IFTAP: variants seen among roughly 807,000 people sequenced by gnomAD.
IFTAP encodes the protein intraflagellar transport associated protein, also known as intraflagellar transport-associated protein.
Under a neutral mutation model 19.4 loss-of-function variants are expected in IFTAP, and 19 were observed. The observed-to-expected ratio is 0.98, with a 90% CI of 0.68 to 1.44. The LOEUF (loss-of-function observed/expected upper bound fraction) is 1.44, where lower values mean the gene tolerates loss of function less well. Ranked by LOEUF, IFTAP falls within the 40% of genes most tolerant of loss-of-function variation. The pLI is 0.00. For missense variants in IFTAP, 240 were observed against 253.6 expected, an observed-to-expected ratio of 0.95 and a Z score of 0.36; for synonymous variants, 85 against 83.5, an observed-to-expected ratio of 1.02 and a Z score of -0.10.
At chr11:36,601,446 A>G (rs1851505506) in intron 1 of IFTAP, among the ~76,000 whole-genome samples, 7 of 152,216 alleles carry the variant, frequency 4.6e-5, no homozygotes, top group Admixed American at 4.6e-4. Context: ...AGATATGGCC[A>G]CCTGACCAGA....
chr11:36,632,960 C>A (rs1852784671), intron 2 of IFTAP, among the ~76,000 whole-genome samples: 1 of 150,962 alleles, frequency 6.6e-6, no homozygotes, highest in African/African-American at 2.5e-5. Flanking sequence ...AAAAATCCCT[C>A]AAATTTAGAA....
At chr11:36,643,361 A>G (rs907237517) in intron 4 of IFTAP, among the ~76,000 whole-genome samples, 1 of 152,228 alleles carries the variant, frequency 6.6e-6, no homozygotes, top group African/African-American at 2.4e-5. Flanking sequence ...ATACAAACAA[A>G]TGGACGAACA....
rs144340428 is a variant in IFTAP at position 36,650,613 on chromosome 11, G to A, written c.498+2458G>A. Among the ~76,000 whole-genome samples the A allele has an allele frequency of 2.0e-3, 301 of 149,186 alleles. 1 individual carries two copies. The highest frequency in any genetic ancestry group is 6.8e-3 in the African/African-American group (275 of 40,400). ...AAGTTCTAGGGTACATGTGCACAAC[G>A]TGCAGGTTTGTTACATATGTATACA... On this transcript the variant is annotated intron_variant, in intron 5 of 5. Transcript: ENST00000334307.
At chr11:36,617,650 T>G (rs555381865) in intron 2 of IFTAP, among the ~76,000 whole-genome samples, 1 of 151,998 alleles carries the variant, frequency 6.6e-6, no homozygotes, top group Non-Finnish European at 1.5e-5. Context: ...CTGTTTCAAT[T>G]GTAGAGTTGG....
At chr11:36,650,851 CAG>C (rs1853693010) in intron 5 of IFTAP, among the ~76,000 whole-genome samples, 1 of 152,112 alleles carries the variant, frequency 6.6e-6, no homozygotes, top group Non-Finnish European at 1.5e-5. Context: ...TGATGGTTTC[CAG>C]CTTCATCCAT....
intron 4 of IFTAP, among the ~76,000 whole-genome samples, chr11:36,640,830 C>T (rs988916661): frequency 1.3e-5 from 2 of 152,058 alleles, no homozygotes; most frequent in Non-Finnish European, 2.9e-5. Flanking sequence ...CTACATAACA[C>T]AGTGAACCAA....
At chr11:36,634,234 G>A (rs4756332) in intron 3 of IFTAP, among the ~76,000 whole-genome samples, 73,208 of 151,858 alleles carry the variant, frequency 0.48, 20,286 homozygotes, top group East Asian at 0.77. Context: ...AGCATTTGAG[G>A]AACAGAGAAT....
At chr11:36,639,950 C>A (rs1281291898) in intron 4 of IFTAP, among the ~76,000 whole-genome samples, 1 of 152,180 alleles carries the variant, frequency 6.6e-6, no homozygotes, top group Non-Finnish European at 1.5e-5. Context: ...TTAGGCCACC[C>A]CTGAACGACT....
chr11:36,597,571 A>G (rs1851321645), intron 1 of IFTAP: 1 of 152,164 alleles, frequency 6.6e-6, no homozygotes, highest in South Asian at 2.1e-4. Flanking sequence ...AGTTGAGTAT[A>G]ATGAAAGGAC....
chr11:36,633,360 T>A lies in IFTAP; in HGVS notation c.213T>A (p.His71Gln), dbSNP rs780710713. ...TTTTTACCTCAGCAAAAGTTACTCA[T>A]AAAAATGAAGCAGATGACTACCATC... ...ENIFTSAKVTHKNEADDYHLR... is the reference protein window; with the variant it reads ...ENIFTSAKVTQKNEADDYHLR... Residue 71 changes from histidine to glutamine, a missense_variant, in exon 3 of 6, where the codon CAT (histidine) becomes CAA (glutamine). Coordinates refer to ENST00000334307, the MANE Select transcript of IFTAP (RefSeq NM_138787.4). The A allele has an allele frequency of 9.3e-5, 149 of 1,604,100 alleles. No individual in the cohort carries two copies. The highest frequency in any genetic ancestry group is 5.5e-4 in the South Asian group (49 of 88,336).
rs1272059578 is a variant in IFTAP, at chr11:36,643,334, C to T, written c.359-4682C>T. 3.3e-5 allele frequency among the ~76,000 whole-genome samples: 5 copies of T among 152,070 alleles called. No homozygotes were observed. The East Asian group carries it at 5.8e-4, about 18-fold the overall frequency. ...CAAGGAGAACTACAAACCAACTGCT[C>T]AATGAAATAAAAGAGGATACAAACA... is the stretch of plus-strand genomic sequence containing the variant. On this transcript the variant is annotated intron_variant, in intron 4 of 5. Transcript: ENST00000334307.
chr11:36,615,962 A>G (rs1388866794), intron 2 of IFTAP, among the ~76,000 whole-genome samples: 1 of 152,036 alleles, frequency 6.6e-6, no homozygotes, highest in Non-Finnish European at 1.5e-5. Context: ...CAGGATTACC[A>G]CATGATCCCA....
chr11:36,644,083 G>A lies in IFTAP; in HGVS notation c.359-3933G>A, dbSNP rs183850816. ...GGCAACCTACAGAATGAGAGAAAAT[G>A]TTTGCAATCTACTCAACTGACAAAG... On this transcript the variant is annotated intron_variant, in intron 4 of 5. Coordinates refer to ENST00000334307, the MANE Select transcript of IFTAP (RefSeq NM_138787.4). Among the ~76,000 whole-genome samples the A allele has an allele frequency of 3.7e-4, 56 of 152,080 alleles. 1 individual carries two copies. The highest frequency in any genetic ancestry group is 2.9e-4 in the Non-Finnish European group (20 of 67,964).
intron 4 of IFTAP, among the ~76,000 whole-genome samples, chr11:36,643,295 G>A (rs547730023): frequency 2.0e-5 from 3 of 152,292 alleles, no homozygotes; most frequent in Non-Finnish European, 4.4e-5. Flanking sequence ...TACAAGGGAT[G>A]TGAAGGACCT....
intron 4 of IFTAP, 121 bp from the exon 5 acceptor site, chr11:36,647,895 A>G (rs2133514135): frequency 6.8e-6 from 8 of 1,174,958 alleles, no homozygotes; most frequent in Non-Finnish European, 9.6e-6. Context: ...AGGCATTGTG[A>G]AATGGATCTA....
intron 1 of IFTAP, among the ~76,000 whole-genome samples, chr11:36,602,112 C>A (rs1851532270): frequency 6.6e-6 from 1 of 152,178 alleles, no homozygotes; most frequent in Non-Finnish European, 1.5e-5. Flanking sequence ...CCTCTTATAG[C>A]CCATTTATTA....
At chr11:36,612,973 A>G (rs1465562278) in intron 2 of IFTAP, among the ~76,000 whole-genome samples, 1 of 152,052 alleles carries the variant, frequency 6.6e-6, no homozygotes, top group African/African-American at 2.4e-5. Context: ...TTTCTTTTTT[A>G]GAGCAACTAG....
chr11:36,636,211 C>T, intron 4 of IFTAP, 94 bp downstream of exon 4: 1 of 900,580 alleles, frequency 1.1e-6, no homozygotes, highest in Non-Finnish European at 1.8e-6. Flanking sequence ...GCAATTCTTA[C>T]CTCCACCTCT....
intron 1 of IFTAP, among the ~76,000 whole-genome samples, chr11:36,605,336 CTG>C (rs1851657897): frequency 7.4e-6 from 1 of 135,372 alleles, no homozygotes; most frequent in South Asian, 2.4e-4. Context: ...AAAAAGTACA[CTG>C]TGCACTTTCA....
Sources: gnomAD v4.1 joint callset for allele counts (sites outside exome capture counted in the v4.1 genomes callset) on GRCh38, gnomAD v4.1.1 for gene constraint, MANE v1.5 for transcripts, NCBI Gene and HGNC (gene_info 2026-07-23, HGNC 2026-07-21) for gene names.